The following UBR3 variants were observed in gnomAD, a reference collection of about 807,000 sequenced individuals.
The protein encoded by UBR3 is ubiquitin protein ligase E3 component n-recognin 3, also known as E3 ubiquitin-protein ligase UBR3.
A neutral mutation model predicts 243.2 loss-of-function variants in UBR3; 85 were observed. The observed-to-expected ratio is 0.35, with a 90% CI of 0.29 to 0.42. The LOEUF is 0.42. Among genes scored for constraint, UBR3 ranks in the 10% least tolerant of loss-of-function variants. The probability of loss-of-function intolerance (pLI) is 1.00; values close to 1 mark genes in which losing one functional copy is unlikely to be tolerated. For synonymous variants in UBR3, 748 were observed against 799.8 expected (o/e 0.94, Z 1.09); for missense variants, 1,686 against 2,300.8 (o/e 0.73, Z 5.47).
At chr2:170,004,808 G>A (rs1016144164) in intron 27 of UBR3, among the ~76,000 whole-genome samples, 2 of 152,192 alleles carry the variant, frequency 1.3e-5, no homozygotes, top group African/African-American at 4.8e-5. Flanking sequence ...CTACTCGGGA[G>A]GCTGAGGCAG....
At chr2:170,066,821 A>C (rs2091578702) in intron 35 of UBR3, among the ~76,000 whole-genome samples, 1 of 151,996 alleles carries the variant, frequency 6.6e-6, no homozygotes, top group South Asian at 2.1e-4. Context: ...AAAATTAGCC[A>C]GGCATGGTGG....
chr2:170,081,123 G>A (rs570703738), intron 38 of UBR3, among the ~76,000 whole-genome samples: 3 of 152,294 alleles, frequency 2.0e-5, no homozygotes, highest in African/African-American at 7.2e-5. Flanking sequence ...CCCAGCAGGT[G>A]GCGGCTGCAG....
intron 10 of UBR3, among the ~76,000 whole-genome samples, chr2:169,911,451 T>G (rs947181141): frequency 6.6e-6 from 1 of 152,124 alleles, no homozygotes; most frequent in Non-Finnish European, 1.5e-5. Context: ...ATGCTTATTT[T>G]TACATGTGGA....
At chr2:169,830,178 T>A (rs2081889337) in intron 1 of UBR3, among the ~76,000 whole-genome samples, 1 of 152,194 alleles carries the variant, frequency 6.6e-6, no homozygotes, top group African/African-American at 2.4e-5. Context: ...ATTTAATGTC[T>A]CTTCATGGGC....
intron 25 of UBR3, among the ~76,000 whole-genome samples, chr2:169,991,149 A>T (rs1383967932): frequency 6.6e-6 from 1 of 152,238 alleles, no homozygotes; most frequent in Non-Finnish European, 1.5e-5. Flanking sequence ...CAGCCAATCC[A>T]TCATGAAGGT....
intron 29 of UBR3, among the ~76,000 whole-genome samples, chr2:170,009,198 G>T (rs1197542170): frequency 1.3e-5 from 2 of 151,930 alleles, no homozygotes. Flanking sequence ...TAACATTTTG[G>T]GGCAGATATG....
At chr2:170,033,997 T>C (rs1487946300) in intron 31 of UBR3, among the ~76,000 whole-genome samples, 2 of 135,038 alleles carry the variant, frequency 1.5e-5, no homozygotes, top group African/African-American at 5.3e-5. Context: ...GAAACAATTA[T>C]TTTTTAAAGA....
chr2:169,955,105 T>C (rs2087217608), intron 23 of UBR3, among the ~76,000 whole-genome samples: 1 of 152,216 alleles, frequency 6.6e-6, no homozygotes. Context: ...AATGAAGTGT[T>C]GCTGTTTTCT....
intron 6 of UBR3, among the ~76,000 whole-genome samples, chr2:169,893,864 A>T (rs1032366939): frequency 6.6e-6 from 1 of 152,062 alleles, no homozygotes; most frequent in South Asian, 2.1e-4. Flanking sequence ...CCGAGCCTAT[A>T]TTATAATTTT....
In UBR3 at chr2:169,866,263, AAAAAAAAAGC is replaced by A. The variant is rs991115375; in HGVS notation, c.546-5965_546-5956del. On this transcript the variant is annotated intron_variant, in intron 1 of 38. Coordinates refer to ENST00000272793, the MANE Select transcript of UBR3 (RefSeq NM_172070.4). ...CAGAGTGAGACTGTGTCTCAAAAAA[AAAAAAAAAGC>A]AAAAAAAGCTTTTATGGAAATACAG... 2.7e-4 allele frequency among the ~76,000 whole-genome samples: 38 copies of A among 138,424 alleles called. No individual in the cohort carries two copies. In the South Asian group the frequency reaches 6.9e-3, roughly 25 times the overall value. 90.8% of individuals were successfully genotyped at this position (138,424 alleles called of 152,430 possible). A position where few individuals can be genotyped will look rare whatever the true frequency, so the allele number is the denominator to read the frequency against.
intron 8 of UBR3, among the ~76,000 whole-genome samples, chr2:169,901,682 C>T (rs949616940): frequency 2.6e-5 from 4 of 152,142 alleles, no homozygotes; most frequent in Admixed American, 1.3e-4. Context: ...TTGGCCACAG[C>T]GATAGCTGAA....
At chr2:169,879,044 G>A (rs2083722160) in intron 5 of UBR3, among the ~76,000 whole-genome samples, 1 of 151,658 alleles carries the variant, frequency 6.6e-6, no homozygotes, top group African/African-American at 2.4e-5. Context: ...TTAAAACTAT[G>A]TACTGGGAAA....
At chr2:169,856,312 G>C (rs867260929) in intron 1 of UBR3, among the ~76,000 whole-genome samples, 28 of 151,740 alleles carry the variant, frequency 1.8e-4, no homozygotes, top group African/African-American at 6.3e-4. Flanking sequence ...TCCTAGACGG[G>C]ATGATGGCCG....
chr2:169,870,886 T>C (rs1267545555), intron 1 of UBR3, among the ~76,000 whole-genome samples: 1 of 151,766 alleles, frequency 6.6e-6, no homozygotes, highest in Non-Finnish European at 1.5e-5. Context: ...ACGCCTGACC[T>C]CAGGTGATGC....
chr2:169,884,192 G>T, intron 5 of UBR3, among the ~76,000 whole-genome samples: 1 of 132,098 alleles, frequency 7.6e-6, no homozygotes, highest in Admixed American at 7.9e-5. Context: ...GTCTTGCACT[G>T]TCGCCCAGGC....
intron 30 of UBR3, among the ~76,000 whole-genome samples, chr2:170,026,625 G>A (rs1428694538): frequency 1.3e-5 from 2 of 151,978 alleles, no homozygotes; most frequent in East Asian, 1.9e-4. Context: ...ATCACAGCAC[G>A]CTTATAAATG....
chr2:169,928,583 T>TG (rs2085997453), intron 17 of UBR3, 144 bp from the exon 18 acceptor site: 1 of 487,646 alleles, frequency 2.1e-6, no homozygotes, highest in African/African-American at 1.9e-5. Flanking sequence ...TCTGTTGTAT[T>TG]ATATAGCCCT....
At chr2:170,010,388 A>G (rs1040234760) in intron 29 of UBR3, among the ~76,000 whole-genome samples, 1 of 152,176 alleles carries the variant, frequency 6.6e-6, no homozygotes, top group Non-Finnish European at 1.5e-5. Context: ...TATGTTGCTC[A>G]TTTATTTATG....
At chr2:170,068,241 C>A (rs989100462) in intron 35 of UBR3, among the ~76,000 whole-genome samples, 2 of 152,004 alleles carry the variant, frequency 1.3e-5, no homozygotes, top group African/African-American at 2.4e-5. Flanking sequence ...GAGGCCAAGG[C>A]GGGCAGATCA....
Sources: gnomAD v4.1 joint callset for allele counts (sites outside exome capture counted in the v4.1 genomes callset) on GRCh38, gnomAD v4.1.1 for gene constraint, MANE v1.5 for transcripts, NCBI Gene and HGNC (gene_info 2026-07-23, HGNC 2026-07-21) for gene names.